The following PHACTR3 variants were observed in gnomAD, a reference collection of about 807,000 sequenced individuals.
PHACTR3 encodes the protein phosphatase and actin regulator 3, also known as protein phosphatase 1, regulatory subunit 123.
Under a neutral mutation model 66.8 loss-of-function variants are expected in PHACTR3, and 16 were observed. That is an observed-to-expected ratio of 0.24 (90% CI 0.16 to 0.36). The LOEUF (loss-of-function observed/expected upper bound fraction) is 0.36. Ranked by LOEUF, PHACTR3 falls within the 10% of genes least tolerant of loss-of-function variation. The pLI is 1.00. For synonymous variants in PHACTR3, 323 were observed against 292.1 expected (o/e 1.11, Z -1.08); for missense variants, 647 against 719.9 (o/e 0.90, Z 1.16).
At chr20:59,747,037 A>G (rs1568774777) in intron 2 of PHACTR3, among the ~76,000 whole-genome samples, 3 of 152,236 alleles carry the variant, frequency 2.0e-5, no homozygotes, top group African/African-American at 7.2e-5. Flanking sequence ...GGAAGGAAGA[A>G]GATGATTGTG....
chr20:59,809,387 G>A (rs2041668250), intron 8 of PHACTR3, among the ~76,000 whole-genome samples: 3 of 151,696 alleles, frequency 2.0e-5, no homozygotes, highest in Admixed American at 2.0e-4. Flanking sequence ...GCAAGTCTCA[G>A]TGATGGGACG....
intron 1 of PHACTR3, among the ~76,000 whole-genome samples, chr20:59,629,196 C>A (rs915497054): frequency 6.6e-6 from 1 of 152,228 alleles, no homozygotes; most frequent in Non-Finnish European, 1.5e-5. Flanking sequence ...ACTGGATGCC[C>A]ACCTGCTTCC....
rs1336951730 is a variant in PHACTR3, at chr20:59,773,431, G to A, written c.904G>A (p.Ala302Thr). 1 of 1,612,796 alleles carries A rather than the reference G, an allele frequency of 6.2e-7. No homozygotes were observed. Among genetic ancestry groups the A allele is most frequent in the African/African-American group, 1.3e-5 (1 of 75,024 alleles). Reference sequence around the variant, plus strand: ...CATTGAGGAGCTGCACAGGGCGCTGGCCACGAAGCACCGCCAGGACAGGTG... The same window carrying A: ...CATTGAGGAGCTGCACAGGGCGCTGACCACGAAGCACCGCCAGGACAGGTG... ...RVIEELHRAL[A>T]TKHRQDSFQG... The change falls in exon 6 of 13, where the codon GCC (alanine) becomes ACC (threonine). Residue 302 changes from alanine to threonine, a missense_variant. Physicochemically the swap from Ala to Thr is moderately conservative, Grantham distance 58. Transcript: ENST00000371015.
chr20:59,712,586 A>G (rs1026713958), intron 1 of PHACTR3, among the ~76,000 whole-genome samples: 4 of 150,666 alleles, frequency 2.7e-5, no homozygotes, highest in East Asian at 1.9e-4. Flanking sequence ...ACGGGACTCA[A>G]TTTGTCCTAA....
chr20:59,591,879 G>A (rs1211921291), intron 1 of PHACTR3, among the ~76,000 whole-genome samples: 3 of 152,138 alleles, frequency 2.0e-5, no homozygotes, highest in Non-Finnish European at 4.4e-5. Context: ...ACAGTAGGAT[G>A]TAAGGCAAAA....
intron 1 of PHACTR3, among the ~76,000 whole-genome samples, chr20:59,734,960 A>G (rs898512565): frequency 2.6e-5 from 4 of 151,498 alleles, no homozygotes; most frequent in Non-Finnish European, 1.5e-5. Flanking sequence ...CTCTTTCTTG[A>G]TTCTTCCTGG....
intron 1 of PHACTR3, among the ~76,000 whole-genome samples, chr20:59,578,940 C>T (rs143000175): frequency 6.6e-6 from 1 of 152,324 alleles, no homozygotes; most frequent in East Asian, 1.9e-4. Flanking sequence ...GTGCTGAGCT[C>T]CCAGGGTGGA....
At chr20:59,696,503 A>G (rs2037302431) in intron 1 of PHACTR3, among the ~76,000 whole-genome samples, 1 of 151,968 alleles carries the variant, frequency 6.6e-6, no homozygotes, top group African/African-American at 2.4e-5. Flanking sequence ...GTGTCTGAGC[A>G]TGTTGGGGCT....
At chr20:59,748,154 GT>G (rs1225046423) in intron 3 of PHACTR3, among the ~76,000 whole-genome samples, 1 of 152,164 alleles carries the variant, frequency 6.6e-6, no homozygotes, top group African/African-American at 2.4e-5. Flanking sequence ...GGTAGCAGTG[GT>G]TTTTTCAGCA....
At chr20:59,786,070 TC>T (rs1422486851) in intron 7 of PHACTR3, among the ~76,000 whole-genome samples, 1 of 152,182 alleles carries the variant, frequency 6.6e-6, no homozygotes, top group Non-Finnish European at 1.5e-5. Context: ...TGCTCAAACT[TC>T]TGAGTCAGTT....
At chr20:59,752,255 C>T (rs767358012) in intron 3 of PHACTR3, among the ~76,000 whole-genome samples, 7 of 152,348 alleles carry the variant, frequency 4.6e-5, no homozygotes, top group East Asian at 3.9e-4. Flanking sequence ...ACATGTGCCA[C>T]GACACACGTG....
chr20:59,692,106 A>G (rs773421680), intron 1 of PHACTR3, among the ~76,000 whole-genome samples: 8 of 152,144 alleles, frequency 5.3e-5, no homozygotes, highest in Non-Finnish European at 1.0e-4. Context: ...CTTTGTCTCC[A>G]TGGTCAAAGT....
At chr20:59,734,444 G>T (rs2038873807) in intron 1 of PHACTR3, among the ~76,000 whole-genome samples, 1 of 152,044 alleles carries the variant, frequency 6.6e-6, no homozygotes, top group Non-Finnish European at 1.5e-5. Context: ...TTTTTGTAGA[G>T]ACAGGGTCTC....
chr20:59,666,134 C>A (rs1447329218), intron 1 of PHACTR3, among the ~76,000 whole-genome samples: 1 of 152,166 alleles, frequency 6.6e-6, no homozygotes, highest in East Asian at 1.9e-4. Flanking sequence ...TCTCTCCTCA[C>A]TTGGACTTTC....
chr20:59,650,463 C>T (rs898094559), intron 1 of PHACTR3, among the ~76,000 whole-genome samples: 27 of 152,038 alleles, frequency 1.8e-4, no homozygotes, highest in African/African-American at 6.5e-4. Context: ...TTTCAAACAT[C>T]ATCATATTCA....
chr20:59,595,826 C>T (rs1029624294), intron 1 of PHACTR3, among the ~76,000 whole-genome samples: 1 of 152,158 alleles, frequency 6.6e-6, no homozygotes, highest in African/African-American at 2.4e-5. Context: ...ACTCCTTTAT[C>T]GTTATGTAAT....
intron 1 of PHACTR3, among the ~76,000 whole-genome samples, chr20:59,593,334 A>G (rs1432844783): frequency 2.0e-5 from 3 of 152,146 alleles, no homozygotes; most frequent in African/African-American, 7.2e-5. Context: ...CTTTTGGCCC[A>G]TTTTCAAATC....
chr20:59,660,607 A>G (rs1382118167), intron 1 of PHACTR3, among the ~76,000 whole-genome samples: 1 of 152,256 alleles, frequency 6.6e-6, no homozygotes, highest in Non-Finnish European at 1.5e-5. Context: ...TCCTTCCTCC[A>G]ATCTATGGCA....
intron 1 of PHACTR3, among the ~76,000 whole-genome samples, chr20:59,707,261 T>A (rs1230817453): frequency 6.6e-6 from 1 of 152,148 alleles, no homozygotes; most frequent in Admixed American, 6.5e-5. Flanking sequence ...TGACTCATAT[T>A]CTCATAGCTT....
Sources: allele counts gnomAD v4.1 joint callset (sites outside exome capture counted in the v4.1 genomes callset), GRCh38; gene constraint gnomAD v4.1.1; transcripts MANE v1.5; gene names NCBI Gene and HGNC (gene_info 2026-07-23, HGNC 2026-07-21).